The following ACSF2 variants were observed in gnomAD, a reference collection of about 807,000 sequenced individuals.
ACSF2 encodes the protein acyl-CoA synthetase family member 2.
In ACSF2, 52 loss-of-function variants were observed where a neutral mutation model predicts 79.3. The observed-to-expected ratio is 0.66, with a 90% CI of 0.53 to 0.83. The LOEUF (loss-of-function observed/expected upper bound fraction) is 0.83. Ranked by LOEUF, ACSF2 falls within the 40% of genes least tolerant of loss-of-function variation. The probability of loss-of-function intolerance (pLI) is 0.00; values close to 1 mark genes in which losing one functional copy is unlikely to be tolerated. For synonymous variants in ACSF2, 283 were observed against 312.6 expected, an observed-to-expected ratio of 0.91 and a Z score of 1.00; for missense variants, 661 against 803.3, an observed-to-expected ratio of 0.82 and a Z score of 2.14.
intron 10 of ACSF2, among the ~76,000 whole-genome samples, chr17:50,466,410 G>A (rs181163259): frequency 1.5e-4 from 23 of 152,334 alleles, no homozygotes; most frequent in African/African-American, 5.3e-4. Context: ...TTTTCAATAT[G>A]CAAATGGGGA....
chr17:50,429,245 G>T (rs1915301152), intron 1 of ACSF2, among the ~76,000 whole-genome samples: 2 of 152,154 alleles, frequency 1.3e-5, no homozygotes, highest in African/African-American at 4.8e-5. Context: ...TGTGTTGTTG[G>T]GCTGATGAAT....
intron 10 of ACSF2, among the ~76,000 whole-genome samples, chr17:50,467,040 G>A (rs901564128): frequency 6.6e-6 from 1 of 152,130 alleles, no homozygotes; most frequent in Non-Finnish European, 1.5e-5. Flanking sequence ...AGGTATGAAG[G>A]TCTCCAGTAA....
chr17:50,426,948 C>G, intron 1 of ACSF2: 1 of 1,535,762 alleles, frequency 6.5e-7, no homozygotes. Context: ...GATTTCAGTT[C>G]CCAGTAGCTT....
chr17:50,428,240 C>G (rs970878941), intron 1 of ACSF2, among the ~76,000 whole-genome samples: 1 of 152,102 alleles, frequency 6.6e-6, no homozygotes, highest in African/African-American at 2.4e-5. Context: ...AATCCCAGCA[C>G]TTTGGGAAGC....
At position 50,462,406 on chromosome 17, in the gene ACSF2, G is replaced by A. The variant is rs543097710; in HGVS notation, c.627-14G>A. On this transcript the variant is annotated splice_polypyrimidine_tract_variant and intron_variant, in intron 5 of 15. Coordinates refer to ENST00000300441, the MANE Select transcript of ACSF2 (RefSeq NM_025149.6). ...CCCTCAGCCCCTGTCTCTCACCATC[G>A]TCCCCAACCCCAGGCTCCCAGATCT... 1.2e-4 allele frequency: 193 copies of A among 1,567,174 alleles called. 2 individuals carry two copies. The highest frequency in any genetic ancestry group is 1.2e-3 in the South Asian group (104 of 89,930).
intron 10 of ACSF2, chr17:50,468,999 G>A: frequency 7.4e-7 from 1 of 1,359,196 alleles, no homozygotes; most frequent in Non-Finnish European, 9.4e-7. Flanking sequence ...CCAGAGATGC[G>A]CCCCCGCCCT....
At chr17:50,465,128 G>T (rs2143739900) in intron 10 of ACSF2, 1 of 709,098 alleles carries the variant, frequency 1.4e-6, no homozygotes, top group East Asian at 2.7e-5. Flanking sequence ...GTCCTGGGCA[G>T]GACCTTTTCC....
intron 1 of ACSF2, among the ~76,000 whole-genome samples, chr17:50,435,884 C>G (rs569877496): frequency 6.2e-4 from 94 of 151,832 alleles, no homozygotes; most frequent in African/African-American, 2.1e-3. Context: ...TCCCAAGTAG[C>G]TAGGATTACA....
chr17:50,447,432 C>A (rs56270057), intron 1 of ACSF2, among the ~76,000 whole-genome samples: 3 of 151,548 alleles, frequency 2.0e-5, no homozygotes, highest in Admixed American at 6.6e-5. Context: ...CCCAGCTACT[C>A]GGGGGGTGCT....
chr17:50,461,217 C>T (rs770356600), intron 2 of ACSF2, 25 bp from the exon 3 acceptor site: 2 of 1,614,088 alleles, frequency 1.2e-6, no homozygotes, highest in South Asian at 1.1e-5. Context: ...CCCTTTCACC[C>T]CTTGCGCCCC....
intron 10 of ACSF2, chr17:50,468,235 G>A (rs34864120): frequency 0.28 from 451,523 of 1,611,890 alleles, 65,678 homozygotes; most frequent in Middle Eastern, 0.32. Flanking sequence ...GGTTCTCCAC[G>A]TCGTCCAGGG....
intron 1 of ACSF2, among the ~76,000 whole-genome samples, chr17:50,455,501 T>G (rs1178932832): frequency 6.6e-6 from 1 of 152,164 alleles, no homozygotes; most frequent in African/African-American, 2.4e-5. Flanking sequence ...AAGAGCTTCA[T>G]TCACCTGGAC....
chr17:50,439,830 G>A (rs1024013686), intron 1 of ACSF2, among the ~76,000 whole-genome samples: 2 of 152,144 alleles, frequency 1.3e-5, no homozygotes, highest in Non-Finnish European at 2.9e-5. Context: ...TGCCGCTCTG[G>A]TGGGGGTGAA....
At chr17:50,443,356 A>C (rs1567843241) in intron 1 of ACSF2, among the ~76,000 whole-genome samples, 1 of 152,230 alleles carries the variant, frequency 6.6e-6, no homozygotes, top group East Asian at 1.9e-4. Context: ...ATGTTAGTAG[A>C]TATTACCAAA....
intron 11 of ACSF2, 24 bp from the exon 12 acceptor site, chr17:50,472,404 C>A (rs763210954): frequency 6.2e-6 from 10 of 1,603,768 alleles, no homozygotes; most frequent in Non-Finnish European, 8.5e-6. Context: ...TAGGAAGCCC[C>A]AACCTGAGGC....
intron 1 of ACSF2, among the ~76,000 whole-genome samples, chr17:50,449,919 T>C (rs1420595822): frequency 6.6e-6 from 1 of 152,148 alleles, no homozygotes; most frequent in Non-Finnish European, 1.5e-5. Context: ...AAGTTCCCAT[T>C]GCCCCCTCCT....
intron 2 of ACSF2, 79 bp downstream of exon 2, chr17:50,460,951 G>GCCCA: frequency 6.8e-7 from 1 of 1,464,896 alleles, no homozygotes; most frequent in Non-Finnish European, 9.2e-7. Context: ...CCAGGAGCGT[G>GCCCA]GGCACCTGGC....
At chr17:50,447,466 C>A (rs1441348296) in intron 1 of ACSF2, among the ~76,000 whole-genome samples, 1 of 151,756 alleles carries the variant, frequency 6.6e-6, no homozygotes, top group African/African-American at 2.4e-5. Context: ...CTCTTGAGCC[C>A]CAGAGGCAGA....
In ACSF2 at chr17:50,462,249, G is replaced by T. The variant is rs887208807; in HGVS notation, c.573G>T (p.Lys191Asn). Residue 191 changes from lysine to asparagine, a missense_variant, in exon 5 of 16, where the codon AAG (lysine) becomes AAT (asparagine). By Grantham distance (94) the Lys-to-Asn change is moderately conservative. Coordinates refer to ENST00000300441, the MANE Select transcript of ACSF2 (RefSeq NM_025149.6). ...CCCAGCAATACTACAACGTCCTGAAGCAGATCTGTCCAGAAGTGGAGAATG... is the reference window on the plus strand; with the variant it reads ...CCCAGCAATACTACAACGTCCTGAATCAGATCTGTCCAGAAGTGGAGAATG... ...FKTQQYYNVL[K>N]QICPEVENAQ... 3 of 1,613,936 alleles carry T rather than the reference G, an allele frequency of 1.9e-6. No homozygotes were observed. In the African/African-American group the frequency reaches 4.0e-5, roughly 22 times the overall value.
Sources: gnomAD v4.1 joint callset for allele counts (sites outside exome capture counted in the v4.1 genomes callset) on GRCh38, gnomAD v4.1.1 for gene constraint, MANE v1.5 for transcripts, NCBI Gene and HGNC (gene_info 2026-07-23, HGNC 2026-07-21) for gene names.